SPATA6: variants seen among roughly 807,000 people sequenced by gnomAD.
SPATA6 encodes the protein spermatogenesis associated 6, also known as spermatogenesis-associated protein 6.
A neutral mutation model predicts 65.3 loss-of-function variants in SPATA6; 56 were observed. The observed-to-expected ratio is 0.86, with a 90% CI of 0.69 to 1.07. SPATA6 has a LOEUF of 1.07. Among genes scored for constraint, SPATA6 ranks in the 50% least tolerant of loss-of-function variants. SPATA6 has a pLI of 0.00. For synonymous variants in SPATA6, 199 were observed against 213.2 expected, an observed-to-expected ratio of 0.93 and a Z score of 0.58; for missense variants, 590 against 594.8, an observed-to-expected ratio of 0.99 and a Z score of 0.08.
intron 11 of SPATA6, among the ~76,000 whole-genome samples, chr1:48,308,350 T>A (rs1243527258): frequency 6.6e-6 from 1 of 152,072 alleles, no homozygotes; most frequent in Non-Finnish European, 1.5e-5. Context: ...TGCTCTTACA[T>A]GTTTACAGTC....
the SPATA6 span, among the ~76,000 whole-genome samples, chr1:48,278,381 T>C: frequency 1.3e-5 from 2 of 152,046 alleles, no homozygotes; most frequent in African/African-American, 2.4e-5. Flanking sequence ...ATCAAACTAC[T>C]CCGAGCTACA....
the SPATA6 span, among the ~76,000 whole-genome samples, chr1:48,264,477 G>A: frequency 1.5e-4 from 23 of 152,154 alleles, no homozygotes; most frequent in African/African-American, 4.8e-4. Flanking sequence ...TCATCAACTC[G>A]TCATCTACAT....
intron 3 of SPATA6, among the ~76,000 whole-genome samples, chr1:48,419,919 A>G (rs1653161510): frequency 6.6e-6 from 1 of 152,220 alleles, no homozygotes. Context: ...GAATCTATCC[A>G]TCTGATACTA....
chr1:48,370,369 G>A (rs912616623), intron 9 of SPATA6, among the ~76,000 whole-genome samples: 15 of 152,288 alleles, frequency 9.8e-5, no homozygotes, highest in Admixed American at 8.5e-4. Context: ...AGGAAAGTAT[G>A]GTTCTGAAAG....
At chr1:48,461,025 A>G (rs1657389633) in intron 1 of SPATA6, among the ~76,000 whole-genome samples, 2 of 152,196 alleles carry the variant, frequency 1.3e-5, no homozygotes, top group Non-Finnish European at 2.9e-5. Context: ...AAAAGTTCCA[A>G]TACATATCTA....
intron 11 of SPATA6, among the ~76,000 whole-genome samples, chr1:48,330,051 G>A (rs950371097): frequency 6.6e-6 from 1 of 152,162 alleles, no homozygotes; most frequent in African/African-American, 2.4e-5. Context: ...AGTCAGCTAC[G>A]GTGCCAGGGA....
intron 11 of SPATA6, among the ~76,000 whole-genome samples, chr1:48,346,555 T>C (rs1391268856): frequency 6.6e-6 from 1 of 152,054 alleles, no homozygotes; most frequent in African/African-American, 2.4e-5. Flanking sequence ...TGATCTTATA[T>C]TGAGAAAACC....
chr1:48,399,177 A>C (rs2147928805), intron 7 of SPATA6, 174 bp downstream of exon 7: 1 of 772,592 alleles, frequency 1.3e-6, no homozygotes, highest in South Asian at 2.3e-5. Context: ...AAGACTGAAA[A>C]AAAGCAAGTT....
intron 5 of SPATA6, among the ~76,000 whole-genome samples, chr1:48,404,455 C>T (rs576076502): frequency 4.6e-5 from 7 of 151,952 alleles, no homozygotes; most frequent in Non-Finnish European, 8.8e-5. Flanking sequence ...TGATCCTTTC[C>T]CCTCAGCCTT....
the SPATA6 span, among the ~76,000 whole-genome samples, chr1:48,275,666 G>T: frequency 2.0e-5 from 3 of 151,636 alleles, no homozygotes; most frequent in Non-Finnish European, 4.4e-5. Context: ...ATGTTTTTAT[G>T]GTATGTTTTT....
At chr1:48,388,089 G>T (rs1323994472) in intron 8 of SPATA6, among the ~76,000 whole-genome samples, 1 of 152,164 alleles carries the variant, frequency 6.6e-6, no homozygotes, top group East Asian at 1.9e-4. Flanking sequence ...CCCAAGGACA[G>T]GCATGGTCAG....
intron 3 of SPATA6, chr1:48,436,356 C>A (rs1298472694): frequency 6.2e-7 from 1 of 1,612,104 alleles, no homozygotes; most frequent in Admixed American, 1.7e-5. Context: ...CTGTTGGCAG[C>A]TGGCTTTGGG....
At chr1:48,458,827 T>C (rs991148642) in intron 1 of SPATA6, among the ~76,000 whole-genome samples, 8 of 152,142 alleles carry the variant, frequency 5.3e-5, no homozygotes, top group Non-Finnish European at 1.2e-4. Context: ...TTTTTTTATA[T>C]GGTGATGAAA....
chr1:48,468,379 G>C (rs932063502), intron 1 of SPATA6, among the ~76,000 whole-genome samples: 1 of 152,156 alleles, frequency 6.6e-6, no homozygotes, highest in Non-Finnish European at 1.5e-5. Context: ...TAGTACCTTT[G>C]AATTGTGGAG....
chr1:48,371,402 A>G (rs1647275027), intron 9 of SPATA6, among the ~76,000 whole-genome samples: 2 of 152,214 alleles, frequency 1.3e-5, no homozygotes, highest in African/African-American at 4.8e-5. Context: ...TTTATTTTTT[A>G]TTTACTGCAT....
intron 10 of SPATA6, among the ~76,000 whole-genome samples, chr1:48,358,887 G>A (rs1168917141): frequency 6.6e-6 from 1 of 152,078 alleles, no homozygotes; most frequent in East Asian, 1.9e-4. Context: ...AAATAGGTTT[G>A]TTTTAATATA....
chr1:48,261,972 C>A, the SPATA6 span, among the ~76,000 whole-genome samples: 1 of 152,072 alleles, frequency 6.6e-6, no homozygotes, highest in African/African-American at 2.4e-5. Flanking sequence ...ATTTTACCTT[C>A]TGACAAGTTT....
intron 9 of SPATA6, among the ~76,000 whole-genome samples, chr1:48,364,146 G>A (rs1435654533): frequency 6.6e-6 from 1 of 152,128 alleles, no homozygotes; most frequent in Admixed American, 6.5e-5. Context: ...ATTTTTTATG[G>A]CTGCATAGTA....
rs552002284 is a variant in SPATA6, at chr1:48,470,600, C to A, written c.51+1358G>T. Among the ~76,000 whole-genome samples, 14 of 152,258 alleles carry A rather than the reference C, an allele frequency of 9.2e-5. No homozygotes were observed. In the South Asian group the frequency reaches 2.7e-3, roughly 29 times the overall value. On this transcript the variant is annotated intron_variant, in intron 1 of 12. Coordinates refer to ENST00000371847, the MANE Select transcript of SPATA6 (RefSeq NM_019073.4). ...CACCACTGCCTCACACTCTGCCCCA[C>A]GCACACTTGCCTTCTTTAAGACCTA...
Sources: allele counts gnomAD v4.1 joint callset (sites outside exome capture counted in the v4.1 genomes callset), GRCh38; gene constraint gnomAD v4.1.1; transcripts MANE v1.5; gene names NCBI Gene and HGNC (gene_info 2026-07-23, HGNC 2026-07-21).